KCNJ3: variants seen among roughly 807,000 people sequenced by gnomAD.
KCNJ3 encodes potassium inwardly rectifying channel subfamily J member 3.
A neutral mutation model predicts 39.2 loss-of-function variants in KCNJ3; 4 were observed. The observed-to-expected ratio is 0.10, with a 90% CI of 0.05 to 0.23. The LOEUF (loss-of-function observed/expected upper bound fraction) is 0.23. Ranked by LOEUF, KCNJ3 falls within the 10% of genes least tolerant of loss-of-function variation. KCNJ3 has a pLI of 1.00. For missense variants in KCNJ3, 276 were observed against 634.9 expected (o/e 0.43, Z 6.08); for synonymous variants, 230 against 237.4 (o/e 0.97, Z 0.29).
At chr2:154,718,134 A>G (rs1685211794) in intron 2 of KCNJ3, among the ~76,000 whole-genome samples, 1 of 152,222 alleles carries the variant, frequency 6.6e-6, no homozygotes, top group Admixed American at 6.5e-5. Context: ...ATGGATTTGT[A>G]TAGATTGGAC....
At chr2:154,838,743 T>C (rs188153172) in intron 2 of KCNJ3, among the ~76,000 whole-genome samples, 12 of 152,336 alleles carry the variant, frequency 7.9e-5, no homozygotes, top group Non-Finnish European at 1.6e-4. Context: ...AAGGCTTTAG[T>C]AATCTTTGAA....
intron 2 of KCNJ3, among the ~76,000 whole-genome samples, chr2:154,826,590 T>A (rs910758381): frequency 6.6e-6 from 1 of 152,218 alleles, no homozygotes; most frequent in Admixed American, 6.6e-5. Context: ...AAAACTCGTT[T>A]TATATGGAGC....
Position 154,850,008 on chromosome 2 carries a change from CTTTTTTTTTTTTTTTTT to C in KCNJ3, c.920-4699_920-4683del, listed in dbSNP as rs373062062. Among the ~76,000 whole-genome samples, 397 of 48,874 alleles carry C rather than the reference CTTTTTTTTTTTTTTTTT, an allele frequency of 8.1e-3. 8 individuals carry two copies. The highest frequency in any genetic ancestry group is 0.029 in the African/African-American group (365 of 12,518). 32.1% of individuals were successfully genotyped at this position (48,874 alleles called of 152,430 possible). The stretch of plus-strand genomic sequence containing the variant: ...TTGCAATGCAATGTACAGAATAAAT[CTTTTTTTTTTTTTTTTT>C]TTTTTTTTTTTTTTTTTTTACAAAA... On this transcript the variant is annotated intron_variant, in intron 2 of 2. Coordinates refer to ENST00000295101, the MANE Select transcript of KCNJ3 (RefSeq NM_002239.4).
intron 2 of KCNJ3, among the ~76,000 whole-genome samples, chr2:154,805,489 G>A (rs2019224977): frequency 1.3e-5 from 2 of 152,126 alleles, no homozygotes; most frequent in African/African-American, 2.4e-5. Flanking sequence ...TGGTAGTGCA[G>A]GGATAATTTT....
intron 2 of KCNJ3, among the ~76,000 whole-genome samples, chr2:154,760,975 G>C (rs1167833341): frequency 6.6e-6 from 1 of 150,838 alleles, no homozygotes; most frequent in East Asian, 2.0e-4. Context: ...CTGACCTCAT[G>C]ATCCACCCGC....
chr2:154,749,640 A>G (rs1685804382), intron 2 of KCNJ3, among the ~76,000 whole-genome samples: 1 of 152,070 alleles, frequency 6.6e-6, no homozygotes, highest in African/African-American at 2.4e-5. Context: ...ACATAGTTTT[A>G]TGACCTTGCC....
At chr2:154,840,636 T>G (rs1268168476) in intron 2 of KCNJ3, among the ~76,000 whole-genome samples, 2 of 152,202 alleles carry the variant, frequency 1.3e-5, no homozygotes, top group African/African-American at 4.8e-5. Context: ...TAGTTCTCCT[T>G]GAAGAGGTCC....
At chr2:154,790,167 G>C (rs1452293218) in intron 2 of KCNJ3, among the ~76,000 whole-genome samples, 2 of 146,832 alleles carry the variant, frequency 1.4e-5, no homozygotes, top group African/African-American at 2.5e-5. Flanking sequence ...AAATAGCACA[G>C]TGTTCAAGAC....
rs1684846148 is a variant in KCNJ3 at position 154,699,405 on chromosome 2, G to A, written c.630G>A (p.Thr210=). 1 of 1,607,276 alleles carries A rather than the reference G, an allele frequency of 6.2e-7. No homozygotes were observed. Among genetic ancestry groups the A allele is most frequent in the African/African-American group, 1.3e-5 (1 of 75,032 alleles). ...AVISMRDGKL[T]LMFRVGNLRN... is the part of the protein sequence containing the mutation. ...TCTCCATGAGGGACGGAAAACTCAC[G>A]CTTATGTTCCGGGTGGGCAACCTGC... is the stretch of plus-strand genomic sequence containing the variant. Residue 210 remains threonine (T), a synonymous_variant, in exon 1 of 3, where the codon ACG becomes ACA. Transcript: ENST00000295101. This position sits in a 1 kb window ranked among gnomAD's most constrained non-coding sequence, Gnocchi z 6.4.
intron 2 of KCNJ3, among the ~76,000 whole-genome samples, chr2:154,771,902 A>C (rs959714125): frequency 2.0e-5 from 3 of 152,212 alleles, no homozygotes; most frequent in African/African-American, 7.2e-5. Context: ...GGAGTACAAT[A>C]GTGGTGGCTT....
At chr2:154,722,363 T>C (rs1685276142) in intron 2 of KCNJ3, among the ~76,000 whole-genome samples, 1 of 152,120 alleles carries the variant, frequency 6.6e-6, no homozygotes, top group African/African-American at 2.4e-5. Flanking sequence ...GCCATGCTAC[T>C]AGGGGATGGA....
chr2:154,709,707 A>T lies in KCNJ3; in HGVS notation c.807A>T (p.Thr269=). The T allele has an allele frequency of 1.9e-6, 3 of 1,613,940 alleles. No homozygotes were observed. The highest frequency in any genetic ancestry group is 3.3e-4 in the Middle Eastern group (2 of 6,062). ...ADQLFLVSPL[T]ICHVIDAKSP... is the part of the protein sequence containing the mutation. ...AACTTTTTCTTGTGTCCCCCCTCACAATTTGCCACGTGATCGATGCCAAAA... is the reference window on the plus strand; with the variant it reads ...AACTTTTTCTTGTGTCCCCCCTCACTATTTGCCACGTGATCGATGCCAAAA... The change falls in exon 2 of 3, where the codon ACA becomes ACT. Residue 269 remains threonine (T), a synonymous_variant. Transcript: ENST00000295101.
chr2:154,739,785 G>A (rs1558861178), intron 2 of KCNJ3, among the ~76,000 whole-genome samples: 1 of 152,032 alleles, frequency 6.6e-6, no homozygotes, highest in Non-Finnish European at 1.5e-5. Context: ...GTATACAGAA[G>A]AGTACTCAGG....
chr2:154,814,351 A>G (rs575828877), intron 2 of KCNJ3, among the ~76,000 whole-genome samples: 1 of 152,208 alleles, frequency 6.6e-6, no homozygotes, highest in African/African-American at 2.4e-5. Context: ...AAAATGAAGT[A>G]TTTTGGCTGG....
At chr2:154,772,431 T>A (rs1686258782) in intron 2 of KCNJ3, among the ~76,000 whole-genome samples, 1 of 152,158 alleles carries the variant, frequency 6.6e-6, no homozygotes, top group Non-Finnish European at 1.5e-5. Context: ...TGCTACATAC[T>A]TTGGAATATA....
chr2:154,799,426 A>G (rs1686772931), intron 2 of KCNJ3, among the ~76,000 whole-genome samples: 1 of 152,164 alleles, frequency 6.6e-6, no homozygotes, highest in South Asian at 2.1e-4. Context: ...GTCCAGCCAC[A>G]AGAGTAAAAT....
intron 2 of KCNJ3, among the ~76,000 whole-genome samples, chr2:154,821,942 G>C (rs1687189782): frequency 6.6e-6 from 1 of 151,692 alleles, no homozygotes; most frequent in African/African-American, 2.4e-5. Context: ...CTCCCAGCCT[G>C]AATATGTGAT....
At chr2:154,787,794 T>G (rs1186606374) in intron 2 of KCNJ3, among the ~76,000 whole-genome samples, 1 of 152,198 alleles carries the variant, frequency 6.6e-6, no homozygotes, top group Admixed American at 6.5e-5. Flanking sequence ...AACTTTTTTT[T>G]ATCTCTTCCA....
At chr2:154,735,103 T>TGTGTGTGTGTGTGTGTGTGTGTG (rs1439368882) in intron 2 of KCNJ3, among the ~76,000 whole-genome samples, 7 of 95,236 alleles carry the variant, frequency 7.4e-5, no homozygotes, top group Admixed American at 1.9e-4. Context: ...GTGTGTGTGT[T>TGTGTGTGTGTGTGTGTGTGTGTG]TGAGACGGAG....
Sources: allele counts gnomAD v4.1 joint callset (sites outside exome capture counted in the v4.1 genomes callset), GRCh38; gene constraint gnomAD v4.1.1; non-coding constraint Gnocchi (gnomAD v3.1); transcripts MANE v1.5; gene names NCBI Gene and HGNC (gene_info 2026-07-23, HGNC 2026-07-21).